RGS6: variants seen among roughly 807,000 people sequenced by gnomAD.
RGS6 encodes the protein regulator of G-protein signaling 6.
A neutral mutation model predicts 78.5 loss-of-function variants in RGS6; 30 were observed. The ratio of observed to expected loss-of-function variants is 0.38; its 90% CI spans 0.29 to 0.52. The LOEUF is 0.52. RGS6 is among the 20% of genes least tolerant of loss of function. The pLI is 0.85. For missense variants in RGS6, 495 were observed against 609.7 expected (o/e 0.81, Z 1.98); for synonymous variants, 206 against 206.0 (o/e 1.00, Z 0.00).
At chr14:72,236,819 C>A (rs970363785) in intron 2 of RGS6, among the ~76,000 whole-genome samples, 6 of 152,098 alleles carry the variant, frequency 3.9e-5, no homozygotes, top group African/African-American at 1.4e-4. Context: ...AGAGGTGCTC[C>A]TAACTTCCCA....
intron 2 of RGS6, among the ~76,000 whole-genome samples, chr14:72,290,425 C>T (rs1487789795): frequency 6.6e-6 from 1 of 152,222 alleles, no homozygotes; most frequent in Non-Finnish European, 1.5e-5. Flanking sequence ...AGTTTTTCTT[C>T]TGACCTTCTG....
intron 2 of RGS6, among the ~76,000 whole-genome samples, chr14:72,174,456 C>T (rs909170712): frequency 2.6e-5 from 4 of 152,166 alleles, no homozygotes; most frequent in Non-Finnish European, 5.9e-5. Flanking sequence ...GCCTCCCAGC[C>T]GCAAGGTAGG....
the RGS6 span, among the ~76,000 whole-genome samples, chr14:72,580,152 T>C: frequency 1.3e-5 from 2 of 152,200 alleles, no homozygotes; most frequent in African/African-American, 4.8e-5. Context: ...CACTAATTAA[T>C]GGAGGGACTG....
intron 8 of RGS6, among the ~76,000 whole-genome samples, chr14:72,472,163 C>T (rs7160487): frequency 1.0e-5 from 1 of 96,358 alleles, no homozygotes; most frequent in Non-Finnish European, 2.1e-5. Context: ...GTAATACATG[C>T]TTTTTTAAGA....
intron 3 of RGS6, among the ~76,000 whole-genome samples, chr14:72,441,349 T>C (rs966482983): frequency 6.6e-6 from 1 of 152,232 alleles, no homozygotes; most frequent in Non-Finnish European, 1.5e-5. Context: ...CAGTCTCACA[T>C]GACTGGCTTC....
At chr14:71,958,018 TGC>T (rs1227246780) in intron 1 of RGS6, among the ~76,000 whole-genome samples, 3 of 134,932 alleles carry the variant, frequency 2.2e-5, no homozygotes, top group African/African-American at 7.9e-5. Context: ...TCCTCATGCA[TGC>T]ATATATATAT....
the RGS6 span, among the ~76,000 whole-genome samples, chr14:71,922,727 C>T: frequency 3.3e-5 from 5 of 152,240 alleles, no homozygotes; most frequent in South Asian, 1.0e-3. Context: ...GTGTTAGTTT[C>T]TTAGTCTTTT....
At chr14:72,453,043 G>C (rs1190056491) in intron 3 of RGS6, among the ~76,000 whole-genome samples, 1 of 152,190 alleles carries the variant, frequency 6.6e-6, no homozygotes, top group Admixed American at 6.5e-5. Flanking sequence ...GTATGCCGCA[G>C]GACTGTCTGA....
Position 72,189,331 on chromosome 14 carries a change from A to G in RGS6, c.85-162764A>G, listed in dbSNP as rs189528582. Among the ~76,000 whole-genome samples the G allele has an allele frequency of 1.4e-4, 21 of 152,322 alleles. No individual in the cohort carries two copies. In the East Asian group the frequency reaches 3.7e-3, roughly 27 times the overall value. ...AGGCCTTGTCCTGGTTGGCAGTAACATCAGCAAGAGTAGCAAAACATTTTT... is the reference window on the plus strand; with the variant it reads ...AGGCCTTGTCCTGGTTGGCAGTAACGTCAGCAAGAGTAGCAAAACATTTTT... On this transcript the variant is annotated intron_variant, in intron 2 of 17. Transcript: ENST00000553525.
At chr14:72,580,319 C>T in the RGS6 span, among the ~76,000 whole-genome samples, 1 of 147,394 alleles carries the variant, frequency 6.8e-6, no homozygotes, top group African/African-American at 2.6e-5. Context: ...CCCCCCACCC[C>T]GACCCCAGGG....
chr14:72,062,025 G>A (rs2093920539), intron 2 of RGS6, among the ~76,000 whole-genome samples: 1 of 152,214 alleles, frequency 6.6e-6, no homozygotes, highest in Admixed American at 6.5e-5. Context: ...ACAAAGAAAG[G>A]TACAGTGTGG....
intron 2 of RGS6, among the ~76,000 whole-genome samples, chr14:72,123,269 G>T (rs2096102830): frequency 6.6e-6 from 1 of 152,106 alleles, no homozygotes; most frequent in African/African-American, 2.4e-5. Flanking sequence ...CCTTTTTATT[G>T]TAACATATCC....
intron 3 of RGS6, among the ~76,000 whole-genome samples, chr14:72,426,565 ATTCCC>A (rs2094441564): frequency 6.6e-6 from 1 of 152,252 alleles, no homozygotes; most frequent in Non-Finnish European, 1.5e-5. Context: ...GTTGAGTGAC[ATTCCC>A]AAGGTTGTAC....
intron 15 of RGS6, among the ~76,000 whole-genome samples, chr14:72,535,362 C>T (rs1478054407): frequency 6.6e-6 from 1 of 152,158 alleles, no homozygotes; most frequent in Non-Finnish European, 1.5e-5. Flanking sequence ...ACAAACTGAC[C>T]CAATTGCATT....
intron 3 of RGS6, among the ~76,000 whole-genome samples, chr14:72,368,451 C>G (rs1411519646): frequency 1.3e-5 from 2 of 152,126 alleles, no homozygotes. Flanking sequence ...GAGGGGACAT[C>G]CAAACCATTG....
At chr14:72,447,508 A>G (rs188307710) in intron 3 of RGS6, among the ~76,000 whole-genome samples, 22 of 152,298 alleles carry the variant, frequency 1.4e-4, no homozygotes, top group Non-Finnish European at 1.9e-4. Flanking sequence ...TAAGTAACAC[A>G]AGGATTCCAA....
At chr14:72,085,997 C>CT (rs1316919282) in intron 2 of RGS6, among the ~76,000 whole-genome samples, 111 of 151,706 alleles carry the variant, frequency 7.3e-4, no homozygotes, top group African/African-American at 2.3e-3. Flanking sequence ...TCCTATTCAT[C>CT]TTTTTTTTCC....
intron 2 of RGS6, among the ~76,000 whole-genome samples, chr14:72,149,741 CA>C (rs1370436969): frequency 6.6e-6 from 1 of 152,092 alleles, no homozygotes; most frequent in African/African-American, 2.4e-5. Context: ...TAATTCATGC[CA>C]ATTTTGGGGT....
At chr14:72,521,977 T>A (rs1224101264) in intron 15 of RGS6, among the ~76,000 whole-genome samples, 1 of 152,256 alleles carries the variant, frequency 6.6e-6, no homozygotes, top group Non-Finnish European at 1.5e-5. Flanking sequence ...TTAAATAATT[T>A]CACATAACCT....
Sources: allele counts gnomAD v4.1 joint callset (sites outside exome capture counted in the v4.1 genomes callset), GRCh38; gene constraint gnomAD v4.1.1; transcripts MANE v1.5; gene names NCBI Gene and HGNC (gene_info 2026-07-23, HGNC 2026-07-21).